The following FA2H variants were observed in gnomAD, a reference collection of about 807,000 sequenced individuals.
The protein encoded by FA2H is fatty acid 2-hydroxylase, also known as fatty acid alpha-hydroxylase.
FA2H carries 22 observed loss-of-function variants against 44.9 expected under a neutral mutation model. That is an observed-to-expected ratio of 0.49 (90% CI 0.35 to 0.70). FA2H has a LOEUF of 0.70. Among genes scored for constraint, FA2H ranks in the 30% least tolerant of loss-of-function variants. The pLI is 0.01. For missense variants in FA2H, 501 were observed against 504.9 expected, an observed-to-expected ratio of 0.99 and a Z score of 0.07; for synonymous variants, 243 against 213.2, an observed-to-expected ratio of 1.14 and a Z score of -1.22.
At chr16:74,727,142 C>T in intron 3 of FA2H, 102 bp downstream of exon 3, 4 of 1,479,010 alleles carry the variant, frequency 2.7e-6, no homozygotes, top group Non-Finnish European at 3.7e-6. Context: ...CAGCATAGAC[C>T]TGGGCTCTGG....
intron 2 of FA2H, among the ~76,000 whole-genome samples, chr16:74,734,167 G>C (rs1407456343): frequency 6.6e-6 from 1 of 152,232 alleles, no homozygotes; most frequent in African/African-American, 2.4e-5. Flanking sequence ...TACGTGGCTC[G>C]GGTGGGGGAG....
At chr16:74,724,804 G>C (rs1369140586) in intron 4 of FA2H, among the ~76,000 whole-genome samples, 1 of 152,090 alleles carries the variant, frequency 6.6e-6, no homozygotes, top group Non-Finnish European at 1.5e-5. Context: ...TGCCATGCAG[G>C]AAAGACCTCT....
chr16:74,721,340 G>A (rs1409028039), intron 4 of FA2H, among the ~76,000 whole-genome samples: 1 of 152,080 alleles, frequency 6.6e-6, no homozygotes, highest in Non-Finnish European at 1.5e-5. Context: ...ACTAATTTTT[G>A]TATTTTTAGT....
chr16:74,728,580 G>A (rs1962003622), intron 2 of FA2H, among the ~76,000 whole-genome samples: 1 of 152,104 alleles, frequency 6.6e-6, no homozygotes, highest in Non-Finnish European at 1.5e-5. Flanking sequence ...AAAAGCTGCT[G>A]AAGGCTTAGA....
chr16:74,772,103 C>T (rs182499208), intron 1 of FA2H, among the ~76,000 whole-genome samples: 16 of 152,256 alleles, frequency 1.1e-4, no homozygotes, highest in East Asian at 5.8e-4. Context: ...CCACAGCCTA[C>T]GAAGCCCCGT....
chr16:74,715,399 C>G (rs1961671644), intron 6 of FA2H, among the ~76,000 whole-genome samples: 1 of 152,048 alleles, frequency 6.6e-6, no homozygotes, highest in Admixed American at 6.6e-5. Context: ...TCAAATGATC[C>G]TCTTGCCTCA....
At chr16:74,757,411 C>A (rs1028274203) in intron 1 of FA2H, among the ~76,000 whole-genome samples, 3 of 152,136 alleles carry the variant, frequency 2.0e-5, no homozygotes, top group Admixed American at 6.5e-5. Context: ...ATTGGTACAA[C>A]TGTTTTGGGG....
intron 1 of FA2H, among the ~76,000 whole-genome samples, chr16:74,757,290 CAG>C (rs1259298465): frequency 1.3e-5 from 2 of 152,112 alleles, no homozygotes; most frequent in Non-Finnish European, 2.9e-5. Flanking sequence ...AGAATTTAAA[CAG>C]GGAGCAATTT....
intron 4 of FA2H, 132 bp from the exon 5 acceptor site, chr16:74,719,292 T>C (rs2144606796): frequency 1.3e-6 from 1 of 751,918 alleles, no homozygotes; most frequent in Non-Finnish European, 2.2e-6. Flanking sequence ...GGCCAGGCCA[T>C]ACTGCTGGGG....
At chr16:74,770,814 G>A (rs998540744) in intron 1 of FA2H, among the ~76,000 whole-genome samples, 5 of 152,258 alleles carry the variant, frequency 3.3e-5, no homozygotes, top group Non-Finnish European at 7.3e-5. Flanking sequence ...ATTGTTTTGA[G>A]TTTTGTTCCA....
At position 74,716,480 on chromosome 16, in the gene FA2H, C is replaced by G. The variant is rs200053706; in HGVS notation, c.906G>C (p.Ala302=). 3 of 1,613,852 alleles carry G rather than the reference C, an allele frequency of 1.9e-6. No homozygotes were observed. In the South Asian group the frequency reaches 3.3e-5, roughly 18 times the overall value. Residue 302 remains alanine (A), a synonymous_variant, in exon 6 of 7, where the codon GCG becomes GCC. Transcript: ENST00000219368. ...AGAGGACGTAGCCCAGGAGGCCCCC[C>G]GCAAACACAGTGCCCCCTACTGCCT... is the stretch of plus-strand genomic sequence containing the variant. ...LPEAVGGTVF[A]GGLLGYVLYD...
chr16:74,730,559 A>G (rs990713322), intron 2 of FA2H, among the ~76,000 whole-genome samples: 3 of 151,590 alleles, frequency 2.0e-5, no homozygotes, highest in Admixed American at 6.6e-5. Context: ...ACACACACAC[A>G]CCCTGCACCA....
intron 1 of FA2H, among the ~76,000 whole-genome samples, chr16:74,759,377 G>T (rs1423598883): frequency 6.6e-6 from 1 of 152,194 alleles, no homozygotes; most frequent in Non-Finnish European, 1.5e-5. Flanking sequence ...GTAGCAACAT[G>T]CCATCGGCTG....
chr16:74,767,518 T>C (rs186260886), intron 1 of FA2H, among the ~76,000 whole-genome samples: 1 of 152,304 alleles, frequency 6.6e-6, no homozygotes, highest in African/African-American at 2.4e-5. Context: ...CTGGATCATC[T>C]AGGTGGGTCC....
intron 1 of FA2H, among the ~76,000 whole-genome samples, chr16:74,769,132 A>T (rs1962859454): frequency 2.0e-5 from 3 of 152,108 alleles, no homozygotes; most frequent in Admixed American, 2.0e-4. Flanking sequence ...CTCCTCTGTC[A>T]CTCAGGCTGC....
At chr16:74,758,233 G>A (rs940191155) in intron 1 of FA2H, among the ~76,000 whole-genome samples, 1 of 147,942 alleles carries the variant, frequency 6.8e-6, no homozygotes, top group Non-Finnish European at 1.5e-5. Flanking sequence ...CAATTCTCCT[G>A]CCTCAGCCTC....
intron 1 of FA2H, among the ~76,000 whole-genome samples, chr16:74,746,586 G>T (rs992782754): frequency 2.0e-5 from 3 of 152,042 alleles, no homozygotes; most frequent in African/African-American, 7.2e-5. Flanking sequence ...TTTAAAATTT[G>T]ACTTGCATTT....
chr16:74,766,126 C>G (rs1415183297), intron 1 of FA2H, among the ~76,000 whole-genome samples: 2 of 152,070 alleles, frequency 1.3e-5, no homozygotes, highest in East Asian at 3.9e-4. Context: ...TGGTGAAACC[C>G]TGTCTCTAGT....
At chr16:74,753,364 CAA>C (rs1444680163) in intron 1 of FA2H, among the ~76,000 whole-genome samples, 1 of 152,212 alleles carries the variant, frequency 6.6e-6, no homozygotes, top group Non-Finnish European at 1.5e-5. Flanking sequence ...CGCACCACGA[CAA>C]GAGCTTGAGG....
Sources: allele counts gnomAD v4.1 joint callset (sites outside exome capture counted in the v4.1 genomes callset), GRCh38; gene constraint gnomAD v4.1.1; transcripts MANE v1.5; gene names NCBI Gene and HGNC (gene_info 2026-07-23, HGNC 2026-07-21).